DCC: variants seen among roughly 807,000 people sequenced by gnomAD.
DCC encodes the protein DCC netrin 1 receptor.
A neutral mutation model predicts 172.5 loss-of-function variants in DCC; 58 were observed. The ratio of observed to expected loss-of-function variants is 0.34; its 90% CI spans 0.27 to 0.42. The LOEUF (loss-of-function observed/expected upper bound fraction) is 0.42. Ranked by LOEUF, DCC falls within the 10% of genes least tolerant of loss-of-function variation. DCC has a pLI of 1.00. For synonymous variants in DCC, 709 were observed against 644.5 expected, an observed-to-expected ratio of 1.10 and a Z score of -1.52; for missense variants, 1,740 against 1,791.0, an observed-to-expected ratio of 0.97 and a Z score of 0.51.
intron 7 of DCC, among the ~76,000 whole-genome samples, chr18:53,156,333 A>T (rs567809297): frequency 6.6e-6 from 1 of 152,014 alleles, no homozygotes; most frequent in African/African-American, 2.4e-5. Flanking sequence ...AATATACAAA[A>T]ATTAGCCAGG....
At chr18:52,375,396 G>A (rs1985305539) in intron 1 of DCC, among the ~76,000 whole-genome samples, 1 of 152,198 alleles carries the variant, frequency 6.6e-6, no homozygotes, top group African/African-American at 2.4e-5. Context: ...TATTTTATTA[G>A]TAGTATAATG....
chr18:52,543,937 T>C (rs1000637160), intron 1 of DCC, among the ~76,000 whole-genome samples: 1 of 152,168 alleles, frequency 6.6e-6, no homozygotes, highest in African/African-American at 2.4e-5. Flanking sequence ...AGGTCACAGG[T>C]CTCTCTCAGA....
At chr18:52,603,427 T>C (rs1256125879) in intron 1 of DCC, among the ~76,000 whole-genome samples, 1 of 151,510 alleles carries the variant, frequency 6.6e-6, no homozygotes, top group African/African-American at 2.4e-5. Flanking sequence ...TTTAAGACAG[T>C]AAAGAAAAGG....
intron 5 of DCC, among the ~76,000 whole-genome samples, chr18:52,971,342 G>A (rs2041026790): frequency 6.6e-6 from 1 of 152,052 alleles, no homozygotes; most frequent in African/African-American, 2.4e-5. Flanking sequence ...AGCACCATTG[G>A]GATTGTGGCC....
At position 52,406,378 on chromosome 18, in the gene DCC, A is replaced by G. The variant is rs994026048; in HGVS notation, c.91+65500A>G. 2.6e-5 allele frequency among the ~76,000 whole-genome samples: 4 copies of G among 151,762 alleles called. No individual in the cohort carries two copies. The East Asian group carries it at 7.8e-4, about 29-fold the overall frequency. ...GGCAAAAGAAACTACCATCAGAGTG[A>G]ACAGGCAACCTACAAAATGGGAGAA... On this transcript the variant is annotated intron_variant, in intron 1 of 28. Coordinates refer to ENST00000442544, the MANE Select transcript of DCC (RefSeq NM_005215.4).
intron 1 of DCC, among the ~76,000 whole-genome samples, chr18:52,579,455 G>T (rs1051265257): frequency 6.6e-6 from 1 of 152,126 alleles, no homozygotes; most frequent in Non-Finnish European, 1.5e-5. Context: ...GACTAGAACA[G>T]TCTTTTTTTT....
chr18:52,390,753 C>T (rs184035005), intron 1 of DCC, among the ~76,000 whole-genome samples: 10 of 152,152 alleles, frequency 6.6e-5, no homozygotes, highest in Admixed American at 3.3e-4. Context: ...GCATCATGGC[C>T]ACTTGTCTCA....
In DCC at chr18:53,042,851, A is replaced by T. The variant is rs573086919; in HGVS notation, c.986-20454A>T. On this transcript the variant is annotated intron_variant, in intron 5 of 28. Coordinates refer to ENST00000442544, the MANE Select transcript of DCC (RefSeq NM_005215.4). ...TGTGGAGAAATAGGGACACTTTTAC[A>T]CTGTTGGTGGGAGTGTAAATTAGTT... 2.6e-5 allele frequency among the ~76,000 whole-genome samples: 4 copies of T among 152,062 alleles called. No homozygotes were observed. The East Asian group carries it at 7.8e-4, about 30-fold the overall frequency.
intron 3 of DCC, among the ~76,000 whole-genome samples, chr18:52,909,192 ACT>A (rs754701918): frequency 7.2e-5 from 11 of 152,100 alleles, no homozygotes; most frequent in Non-Finnish European, 1.3e-4. Context: ...ATCAATTTTC[ACT>A]CTCTGTAAGT....
intron 1 of DCC, among the ~76,000 whole-genome samples, chr18:52,741,683 T>G (rs1304841585): frequency 6.6e-6 from 1 of 152,226 alleles, no homozygotes; most frequent in African/African-American, 2.4e-5. Flanking sequence ...TTCACTTGCC[T>G]ATGAGGTCCC....
At chr18:52,746,071 A>C (rs2036901257) in intron 1 of DCC, among the ~76,000 whole-genome samples, 1 of 152,214 alleles carries the variant, frequency 6.6e-6, no homozygotes. Flanking sequence ...CCAGAGTTAA[A>C]GTTGTACATG....
At chr18:53,335,380 T>C (rs747652059) in intron 14 of DCC, among the ~76,000 whole-genome samples, 1 of 152,150 alleles carries the variant, frequency 6.6e-6, no homozygotes, top group African/African-American at 2.4e-5. Flanking sequence ...ATATTTTTAG[T>C]ACCTAGAACT....
intron 9 of DCC, among the ~76,000 whole-genome samples, chr18:53,193,492 T>C (rs2055396699): frequency 6.6e-6 from 1 of 152,214 alleles, no homozygotes; most frequent in Non-Finnish European, 1.5e-5. Flanking sequence ...CCCATTTTTT[T>C]TTAAATAAGG....
chr18:53,499,083 T>C (rs1169125905), intron 26 of DCC, among the ~76,000 whole-genome samples: 2 of 152,222 alleles, frequency 1.3e-5, no homozygotes, highest in African/African-American at 2.4e-5. Context: ...GATAAATTCC[T>C]GTCCTGCTGG....
intron 1 of DCC, among the ~76,000 whole-genome samples, chr18:52,519,841 C>T (rs1188866079): frequency 6.6e-6 from 1 of 152,018 alleles, no homozygotes; most frequent in Non-Finnish European, 1.5e-5. Context: ...GAAGAACTTT[C>T]AATGAACCAT....
At chr18:52,811,115 T>C (rs1046322528) in intron 2 of DCC, among the ~76,000 whole-genome samples, 1 of 152,158 alleles carries the variant, frequency 6.6e-6, no homozygotes, top group Non-Finnish European at 1.5e-5. Flanking sequence ...AAAAGATATG[T>C]TTGCTTAAAA....
chr18:52,395,401 T>G (rs2144359581), intron 1 of DCC, among the ~76,000 whole-genome samples: 1 of 152,026 alleles, frequency 6.6e-6, no homozygotes, highest in South Asian at 2.1e-4. Context: ...GGTATGTGGG[T>G]TTGGTTTTTT....
chr18:53,290,984 C>T (rs138120199), intron 12 of DCC, among the ~76,000 whole-genome samples: 77 of 151,978 alleles, frequency 5.1e-4, no homozygotes, highest in Middle Eastern at 6.8e-3. Flanking sequence ...CTGGCCAACA[C>T]GGTGAAACCC....
At chr18:52,858,180 G>A (rs1342243831) in intron 2 of DCC, among the ~76,000 whole-genome samples, 1 of 152,208 alleles carries the variant, frequency 6.6e-6, no homozygotes, top group Admixed American at 6.5e-5. Flanking sequence ...TGAAGACTGC[G>A]CTGTAGGAAG....
Sources: allele counts gnomAD v4.1 joint callset (sites outside exome capture counted in the v4.1 genomes callset), GRCh38; gene constraint gnomAD v4.1.1; transcripts MANE v1.5; gene names NCBI Gene and HGNC (gene_info 2026-07-23, HGNC 2026-07-21).